The following BCKDHB variants were observed in gnomAD, a reference collection of about 807,000 sequenced individuals.
The protein encoded by BCKDHB is branched chain keto acid dehydrogenase E1 subunit beta.
In BCKDHB, 41 loss-of-function variants were observed where a neutral mutation model predicts 48.5. That is an observed-to-expected ratio of 0.85 (90% CI 0.66 to 1.10). The LOEUF (loss-of-function observed/expected upper bound fraction) is 1.10, where lower values mean the gene tolerates loss of function less well. BCKDHB is among the 50% of genes least tolerant of loss of function. The pLI, the probability that BCKDHB is intolerant of heterozygous loss-of-function variation, is 0.00. For missense variants in BCKDHB, 496 were observed against 494.2 expected (o/e 1.00, Z -0.03); for synonymous variants, 201 against 174.8 (o/e 1.15, Z -1.18).
intron 1 of BCKDHB, among the ~76,000 whole-genome samples, chr6:80,107,534 T>TATATATGC (rs1769177256): frequency 7.4e-6 from 1 of 134,608 alleles, no homozygotes; most frequent in African/African-American, 3.1e-5. Context: ...TATATGCATA[T>TATATATGC]ATATATATGC....
the BCKDHB span, among the ~76,000 whole-genome samples, chr6:80,371,553 T>G: frequency 6.9e-3 from 1,055 of 152,240 alleles, 13 homozygotes; most frequent in South Asian, 0.03. Flanking sequence ...GATCAGGAAG[T>G]CTTTGTCTCA....
the BCKDHB span, among the ~76,000 whole-genome samples, chr6:80,444,380 G>A: frequency 1.3e-5 from 2 of 152,134 alleles, no homozygotes; most frequent in Non-Finnish European, 2.9e-5. Context: ...ATGTAAACAT[G>A]TTACGCCATG....
the BCKDHB span, among the ~76,000 whole-genome samples, chr6:80,387,358 T>C: frequency 9.2e-6 from 1 of 108,630 alleles, no homozygotes; most frequent in African/African-American, 3.0e-5. Flanking sequence ...TAGAGTTGCC[T>C]CTACCTAGAA....
intron 6 of BCKDHB, among the ~76,000 whole-genome samples, chr6:80,188,152 A>G (rs2127801109): frequency 6.6e-6 from 1 of 152,338 alleles, no homozygotes; most frequent in Non-Finnish European, 1.5e-5. Context: ...CAGGCATAAA[A>G]AAGAATGAGA....
the BCKDHB span, among the ~76,000 whole-genome samples, chr6:80,423,359 A>C: frequency 7.9e-5 from 12 of 152,324 alleles, no homozygotes; most frequent in African/African-American, 2.6e-4. Flanking sequence ...GCAGTGTGAA[A>C]ACAGACTAAT....
intron 5 of BCKDHB, among the ~76,000 whole-genome samples, chr6:80,170,761 AT>A (rs1310591019): frequency 7.2e-5 from 11 of 152,146 alleles, no homozygotes; most frequent in African/African-American, 2.4e-4. Flanking sequence ...GCTTTGCTAT[AT>A]AACTGGACAC....
chr6:80,306,273 A>G (rs1159229687), intron 9 of BCKDHB, among the ~76,000 whole-genome samples: 3 of 152,186 alleles, frequency 2.0e-5, no homozygotes, highest in East Asian at 1.9e-4. Context: ...ACACAATAAC[A>G]TATTTATTTA....
intron 1 of BCKDHB, among the ~76,000 whole-genome samples, chr6:80,108,433 A>G (rs751700383): frequency 4.0e-5 from 6 of 151,654 alleles, no homozygotes; most frequent in Non-Finnish European, 7.4e-5. Flanking sequence ...ATAGTTGTAA[A>G]CTTACTAAAA....
the BCKDHB span, among the ~76,000 whole-genome samples, chr6:80,358,755 C>T: frequency 3.3e-5 from 5 of 152,130 alleles, no homozygotes; most frequent in African/African-American, 1.2e-4. Context: ...TTAATAAGAA[C>T]AGAGTTTTAC....
rs1772747408 is a variant in BCKDHB at position 80,168,979 on chromosome 6, C to CT, written c.583dup (p.Tyr195LeufsTer7). The CT allele has an allele frequency of 6.2e-6, 10 of 1,614,194 alleles. No individual in the cohort carries two copies. The highest frequency in any genetic ancestry group is 8.5e-6 in the Non-Finnish European group (10 of 1,180,004). ...GGGGCTGTGTTGGTCATGGGGCTCT[C>CT]TATCATTCTCAGAGTCCTGAAGCAT... On this transcript the variant is annotated frameshift_variant, in exon 5 of 10. Transcript: ENST00000320393. LOFTEE classifies it high-confidence loss of function.
the BCKDHB span, among the ~76,000 whole-genome samples, chr6:80,391,030 T>C: frequency 0.9 from 137,331 of 152,148 alleles, 62,248 homozygotes; most frequent in Middle Eastern, 0.96. Context: ...CCTTGAACAT[T>C]GGACTCCAAG....
intron 9 of BCKDHB, among the ~76,000 whole-genome samples, chr6:80,334,452 A>C (rs959308134): frequency 6.6e-6 from 1 of 152,036 alleles, no homozygotes; most frequent in Non-Finnish European, 1.5e-5. Flanking sequence ...TCAATTAACA[A>C]ATTTCTGATT....
Position 80,344,276 on chromosome 6 carries a change from AT to A in BCKDHB, c.*474del. The stretch of plus-strand genomic sequence containing the variant: ...TGCCTTAGCCTCCCAAAGTGCTGGG[AT>A]TACAGGCATGAGCCACTGCACCTGG... On this transcript the variant is annotated 3_prime_UTR_variant, in exon 10 of 10. Transcript: ENST00000320393. 7.8e-5 allele frequency: 17 copies of A among 218,726 alleles called. No individual in the cohort carries two copies. The highest frequency in any genetic ancestry group is 2.2e-4 in the South Asian group (3 of 13,906). The allele number at this position is 218,726 out of a possible 1,614,324, so 13.5% of individuals were successfully genotyped here. A position where few individuals can be genotyped will look rare whatever the true frequency, so the allele number is the denominator to read the frequency against.
chr6:80,154,780 A>G (rs921717041), intron 3 of BCKDHB, among the ~76,000 whole-genome samples: 2 of 152,104 alleles, frequency 1.3e-5, no homozygotes, highest in Non-Finnish European at 2.9e-5. Context: ...GTTGAACTAT[A>G]AGATTGATAT....
chr6:80,368,813 C>A, the BCKDHB span, among the ~76,000 whole-genome samples: 2 of 151,886 alleles, frequency 1.3e-5, no homozygotes, highest in Non-Finnish European at 2.9e-5. Flanking sequence ...GAGTTTGAGA[C>A]TAGCCTGGGC....
intron 6 of BCKDHB, among the ~76,000 whole-genome samples, chr6:80,196,435 TC>T (rs1268422008): frequency 6.6e-6 from 1 of 152,132 alleles, no homozygotes; most frequent in Non-Finnish European, 1.5e-5. Context: ...CCCTTTAGAT[TC>T]CCAGAGCAAT....
chr6:80,373,492 G>T, the BCKDHB span, among the ~76,000 whole-genome samples: 1 of 151,756 alleles, frequency 6.6e-6, no homozygotes. Flanking sequence ...CTTTACTTTT[G>T]CTGGGTTTGG....
intron 8 of BCKDHB, among the ~76,000 whole-genome samples, chr6:80,204,679 A>G (rs1007315539): frequency 6.6e-6 from 1 of 152,054 alleles, no homozygotes; most frequent in African/African-American, 2.4e-5. Flanking sequence ...ATATATATAT[A>G]AATAATACCT....
At chr6:80,200,013 C>T (rs1297552694) in intron 6 of BCKDHB, among the ~76,000 whole-genome samples, 1 of 120,938 alleles carries the variant, frequency 8.3e-6, no homozygotes, top group Non-Finnish European at 1.6e-5. Context: ...GCAGAGGTTG[C>T]AGATCACACC....
Sources: allele counts gnomAD v4.1 joint callset (sites outside exome capture counted in the v4.1 genomes callset), GRCh38; gene constraint gnomAD v4.1.1; transcripts MANE v1.5; gene names NCBI Gene and HGNC (gene_info 2026-07-23, HGNC 2026-07-21).